The following PAMR1 variants were observed in gnomAD, a reference collection of about 807,000 sequenced individuals.
PAMR1 encodes the protein inactive serine protease PAMR1.
A neutral mutation model predicts 81.8 loss-of-function variants in PAMR1; 88 were observed. The observed-to-expected ratio is 1.08, with a 90% CI of 0.91 to 1.28. PAMR1 has a LOEUF of 1.28. PAMR1 is among the 50% of genes most tolerant of loss of function. PAMR1 has a pLI of 0.00. For synonymous variants in PAMR1, 336 were observed against 345.3 expected (o/e 0.97, Z 0.30); for missense variants, 935 against 919.7 (o/e 1.02, Z -0.21).
At chr11:35,435,417 AG>A (rs1856017930) in intron 9 of PAMR1, among the ~76,000 whole-genome samples, 1 of 152,094 alleles carries the variant, frequency 6.6e-6, no homozygotes, top group Non-Finnish European at 1.5e-5. Context: ...CATGTTGGCC[AG>A]GCTGGTCTCG....
intron 8 of PAMR1, among the ~76,000 whole-genome samples, chr11:35,439,312 G>A (rs1227321116): frequency 6.6e-6 from 1 of 152,198 alleles, no homozygotes; most frequent in Non-Finnish European, 1.5e-5. Context: ...CAAGTACATA[G>A]TAATTTCAGG....
At chr11:35,470,922 T>C in intron 4 of PAMR1, 104 bp from the exon 5 acceptor site, 1 of 762,998 alleles carries the variant, frequency 1.3e-6, no homozygotes. Context: ...GAGGAACAGA[T>C]GGTGTCACTG....
chr11:35,520,259 A>G (rs544154253), intron 1 of PAMR1, among the ~76,000 whole-genome samples: 1 of 152,160 alleles, frequency 6.6e-6, no homozygotes, highest in South Asian at 2.1e-4. Context: ...AGTCTGTCTC[A>G]TAGACAACTG....
intron 3 of PAMR1, among the ~76,000 whole-genome samples, chr11:35,482,449 T>C (rs1850414279): frequency 6.6e-6 from 1 of 152,240 alleles, no homozygotes; most frequent in Non-Finnish European, 1.5e-5. Flanking sequence ...CCTTGTAATA[T>C]AGTTTGAAGT....
chr11:35,471,999 T>A (rs971783708), intron 4 of PAMR1, among the ~76,000 whole-genome samples: 3 of 152,180 alleles, frequency 2.0e-5, no homozygotes, highest in Non-Finnish European at 4.4e-5. Context: ...ATAGTGACAA[T>A]CAGTATATTG....
chr11:35,480,689 CTTTTT>C (rs1850374383), intron 3 of PAMR1, among the ~76,000 whole-genome samples: 2 of 151,994 alleles, frequency 1.3e-5, no homozygotes, highest in Non-Finnish European at 2.9e-5. Flanking sequence ...ATTTCTTTTT[CTTTTT>C]TTATTATTTT....
At chr11:35,474,860 G>A in intron 3 of PAMR1, 116 bp from the exon 4 acceptor site, 1 of 646,936 alleles carries the variant, frequency 1.5e-6, no homozygotes, top group Non-Finnish European at 2.7e-6. Flanking sequence ...GGATGAATAG[G>A]GAAAAGGAAG....
At chr11:35,445,720 T>C (rs1856276587) in intron 6 of PAMR1, among the ~76,000 whole-genome samples, 1 of 152,224 alleles carries the variant, frequency 6.6e-6, no homozygotes, top group South Asian at 2.1e-4. Context: ...GATGTGCTGC[T>C]GGATTTGGTT....
At chr11:35,504,341 TG>T (rs1368054260) in intron 1 of PAMR1, among the ~76,000 whole-genome samples, 3 of 152,192 alleles carry the variant, frequency 2.0e-5, no homozygotes, top group Non-Finnish European at 2.9e-5. Context: ...TTATCTTTTT[TG>T]CTGTTGTTCT....
chr11:35,476,781 A>G (rs1031364958), intron 3 of PAMR1, among the ~76,000 whole-genome samples: 1 of 152,020 alleles, frequency 6.6e-6, no homozygotes, highest in East Asian at 1.9e-4. Flanking sequence ...ACACCTTCCT[A>G]TGTTATTTGC....
chr11:35,472,157 G>C (rs1472163646), intron 4 of PAMR1, among the ~76,000 whole-genome samples: 1 of 152,160 alleles, frequency 6.6e-6, no homozygotes, highest in African/African-American at 2.4e-5. Context: ...ACATCTAAGA[G>C]GACAGCTGAT....
At chr11:35,528,089 G>T (rs1042061458), upstream of PAMR1, among the ~76,000 whole-genome samples, 1 of 151,894 alleles carries the variant, frequency 6.6e-6, no homozygotes, top group Non-Finnish European at 1.5e-5. Flanking sequence ...TGACAGAATG[G>T]GGCTCTAAGT....
intron 3 of PAMR1, among the ~76,000 whole-genome samples, chr11:35,477,130 A>T (rs188658448): frequency 3.5e-4 from 53 of 152,226 alleles, no homozygotes; most frequent in Middle Eastern, 6.8e-3. Flanking sequence ...TATGGTCAAT[A>T]TTATTACTCT....
At chr11:35,451,372 A>C (rs1383103648) in intron 6 of PAMR1, among the ~76,000 whole-genome samples, 1 of 152,210 alleles carries the variant, frequency 6.6e-6, no homozygotes, top group African/African-American at 2.4e-5. Flanking sequence ...AGGACATACA[A>C]ACACCTCTGC....
intron 3 of PAMR1, among the ~76,000 whole-genome samples, chr11:35,480,919 T>C (rs754778898): frequency 1.3e-5 from 2 of 152,190 alleles, no homozygotes; most frequent in Non-Finnish European, 2.9e-5. Context: ...GTATTCTCAT[T>C]GTTCAGCTCC....
rs113789149 is a variant in PAMR1 at position 35,507,250 on chromosome 11, T to C, written c.74-12978A>G. ...TTAGTAGAGATGGGGTTTCTCCATGTGGGTCAGGCTGGTCTTGAACTCCCG... is the reference window on the plus strand; with the variant it reads ...TTAGTAGAGATGGGGTTTCTCCATGCGGGTCAGGCTGGTCTTGAACTCCCG... On this transcript the variant is annotated intron_variant, in intron 1 of 10. Coordinates refer to ENST00000619888, the MANE Select transcript of PAMR1 (RefSeq NM_001001991.3). Among the ~76,000 whole-genome samples the C allele has an allele frequency of 1.6e-3, 237 of 152,096 alleles. 1 individual carries two copies. Among genetic ancestry groups the C allele is most frequent in the South Asian group, 0.012 (60 of 4,818 alleles).
chr11:35,500,522 A>C (rs911472148), intron 1 of PAMR1, among the ~76,000 whole-genome samples: 19 of 152,234 alleles, frequency 1.2e-4, no homozygotes, highest in African/African-American at 4.6e-4. Flanking sequence ...ATCATAAACC[A>C]CAACAGGGAA....
intron 1 of PAMR1, among the ~76,000 whole-genome samples, chr11:35,509,356 T>C (rs796552275): frequency 6.6e-6 from 1 of 152,212 alleles, no homozygotes; most frequent in Non-Finnish European, 1.5e-5. Context: ...TTCCCCTTGA[T>C]CATAATTACA....
At chr11:35,511,071 G>A (rs1005467510) in intron 1 of PAMR1, among the ~76,000 whole-genome samples, 23 of 152,212 alleles carry the variant, frequency 1.5e-4, no homozygotes, top group African/African-American at 5.5e-4. Context: ...AAACAATGCT[G>A]ACCAACTGGC....
Sources: allele counts gnomAD v4.1 joint callset (sites outside exome capture counted in the v4.1 genomes callset), GRCh38; gene constraint gnomAD v4.1.1; transcripts MANE v1.5; gene names NCBI Gene and HGNC (gene_info 2026-07-23, HGNC 2026-07-21).